PLS3: variants seen among roughly 807,000 people sequenced by gnomAD.
PLS3 encodes the protein plastin-3.
A neutral mutation model predicts 46.5 loss-of-function variants in PLS3; 11 were observed. The observed-to-expected ratio is 0.24, with a 90% CI of 0.15 to 0.39. The LOEUF (loss-of-function observed/expected upper bound fraction) is 0.39, where lower values mean the gene tolerates loss of function less well. PLS3 is among the 10% of genes least tolerant of loss of function. The pLI is 1.00. For synonymous variants in PLS3, 167 were observed against 162.2 expected, an observed-to-expected ratio of 1.03 and a Z score of -0.22; for missense variants, 308 against 461.8, an observed-to-expected ratio of 0.67 and a Z score of 3.05.
intron 1 of PLS3, among the ~76,000 whole-genome samples, chrX:115,584,242 G>A (rs1469548994): frequency 8.9e-6 from 1 of 112,217 alleles, no homozygotes; most frequent in Non-Finnish European, 1.9e-5. Flanking sequence ...AGGATGCTAT[G>A]TCTTCCACAT....
At chrX:115,630,752 A>G (rs1293921434) in intron 5 of PLS3, among the ~76,000 whole-genome samples, 1 of 86,179 alleles carries the variant, frequency 1.2e-5, no homozygotes, top group Non-Finnish European at 2.3e-5. Context: ...ATTTACACAT[A>G]TATATTTTAT....
rs182913350 is a variant in PLS3, at chrX:115,569,685, A to C, written c.-9+8425A>C. 5.4e-5 allele frequency among the ~76,000 whole-genome samples: 6 copies of C among 111,574 alleles called. No homozygotes were observed. The East Asian group carries it at 1.7e-3, about 32-fold the overall frequency. ...ACATTACATATCCCTCCTGAAACTT[A>C]ACCCATGCCATTTCACAGACCCTTC... On this transcript the variant is annotated intron_variant, in intron 1 of 15. Transcript: ENST00000355899.
intron 7 of PLS3, among the ~76,000 whole-genome samples, chrX:115,636,072 T>C (rs890047103): frequency 6.3e-5 from 7 of 111,501 alleles, no homozygotes; most frequent in Non-Finnish European, 1.3e-4. Context: ...TCTGTTAAAA[T>C]AGGATTGAGC....
chrX:115,561,485 C>A (rs2074134241), intron 1 of PLS3, among the ~76,000 whole-genome samples: 1 of 111,789 alleles, frequency 8.9e-6, no homozygotes, highest in Admixed American at 9.4e-5. Context: ...GGGAGTTTCC[C>A]TACTAGCATC....
chrX:115,591,222 A>T (rs1192585395), intron 1 of PLS3, among the ~76,000 whole-genome samples: 1 of 112,720 alleles, frequency 8.9e-6, no homozygotes, highest in Non-Finnish European at 1.9e-5. Flanking sequence ...GGGCATGTCT[A>T]TTCCTAGAAC....
intron 1 of PLS3, among the ~76,000 whole-genome samples, chrX:115,571,029 G>A (rs1185038586): frequency 9.2e-6 from 1 of 108,654 alleles, no homozygotes; most frequent in East Asian, 2.9e-4. Context: ...CGAGTAGCAG[G>A]GACTACAGGT....
chrX:115,647,798 A>G, intron 14 of PLS3, 95 bp from the exon 15 acceptor site: 1 of 1,149,827 alleles, frequency 8.7e-7, no homozygotes, highest in South Asian at 1.9e-5. Flanking sequence ...ATTCTTTACG[A>G]ATTCACTGGG....
At chrX:115,604,208 C>T (rs2074470338) in intron 1 of PLS3, among the ~76,000 whole-genome samples, 1 of 111,924 alleles carries the variant, frequency 8.9e-6, no homozygotes, top group Admixed American at 9.5e-5. Flanking sequence ...ACCTATTATA[C>T]TCTGTAGTCA....
At chrX:115,575,665 A>T (rs781831039) in intron 1 of PLS3, among the ~76,000 whole-genome samples, 1 of 111,026 alleles carries the variant, frequency 9.0e-6, no homozygotes, top group Admixed American at 9.6e-5. Context: ...GGATGGTCTC[A>T]ATCTCCTGAC....
At chrX:115,607,238 G>A (rs1189798599) in intron 1 of PLS3, among the ~76,000 whole-genome samples, 1 of 110,068 alleles carries the variant, frequency 9.1e-6, no homozygotes, top group Admixed American at 9.8e-5. Flanking sequence ...CTCCAGTCTG[G>A]GCTACAGTGT....
At chrX:115,607,450 A>G (rs1379488279) in intron 1 of PLS3, among the ~76,000 whole-genome samples, 1 of 110,962 alleles carries the variant, frequency 9.0e-6, no homozygotes, top group African/African-American at 3.3e-5. Context: ...AAGTTTATGA[A>G]TAGGCCAGCT....
chrX:115,650,262 A>G lies in PLS3; in HGVS notation c.*701A>G. On this transcript the variant is annotated 3_prime_UTR_variant, in exon 16 of 16. Coordinates refer to ENST00000355899, the MANE Select transcript of PLS3 (RefSeq NM_005032.7). ...TACATCGTAGCTAGAAGAAAAATGT[A>G]CCTTAAATTTGCATCTTCCCTCTCA... 8.9e-6 allele frequency: 1 copy of G among 111,870 alleles called. No individual in the cohort carries two copies. Among genetic ancestry groups the G allele is most frequent in the Admixed American group, 9.6e-5 (1 of 10,382 alleles). The allele number at this position is 111,870 out of a possible 1,213,427, so 9.2% of individuals were successfully genotyped here. A position where few individuals can be genotyped will look rare whatever the true frequency, so the allele number is the denominator to read the frequency against.
At chrX:115,615,975 G>A (rs1157965440) in intron 2 of PLS3, among the ~76,000 whole-genome samples, 2 of 112,026 alleles carry the variant, frequency 1.8e-5, no homozygotes, top group Non-Finnish European at 3.8e-5. Context: ...AATGGCAAGT[G>A]AGCCAAAAAG....
intron 4 of PLS3, 49 bp downstream of exon 4, chrX:115,629,376 G>T (rs782631362): frequency 3.3e-5 from 36 of 1,076,891 alleles, no homozygotes; most frequent in Non-Finnish European, 3.9e-5. Flanking sequence ...AAGTGGGATG[G>T]TTGCTGTAAT....
Position 115,622,305 on chromosome X carries a change from A to G in PLS3, c.133A>G (p.Asn45Asp). ...ACTTCATGAGCTCTTCAAGGAAGCT[A>G]ATATGCCATTACCAGGATATAAAGT... is the stretch of plus-strand genomic sequence containing the variant. Reference protein sequence around the residue: ...YELHELFKEANMPLPGYKVRE... With the variant: ...YELHELFKEADMPLPGYKVRE... The change falls in exon 3 of 16, where the codon AAT becomes GAT. Residue 45 changes from asparagine to aspartate, a missense_variant. Physicochemically the swap from Asn to Asp is conservative, Grantham distance 23 (BLOSUM62 1). Coordinates refer to ENST00000355899, the MANE Select transcript of PLS3 (RefSeq NM_005032.7). 8.5e-7 allele frequency: 1 copy of G among 1,181,792 alleles called. No individual in the cohort carries two copies. The highest frequency in any genetic ancestry group is 1.1e-6 in the Non-Finnish European group (1 of 869,787).
chrX:115,563,464 C>T (rs1183780111), intron 1 of PLS3, among the ~76,000 whole-genome samples: 1 of 110,197 alleles, frequency 9.1e-6, no homozygotes, highest in Non-Finnish European at 1.9e-5. Flanking sequence ...GAAAACGTGG[C>T]AATTTGGCTA....
intron 1 of PLS3, among the ~76,000 whole-genome samples, chrX:115,573,127 G>GA (rs371116519): frequency 0.032 from 3,332 of 103,892 alleles, 155 homozygotes; most frequent in African/African-American, 0.11. Flanking sequence ...AGAAAGAAAG[G>GA]AAAAAAAAAG....
chrX:115,594,668 T>A (rs12834770), intron 1 of PLS3, among the ~76,000 whole-genome samples: 4,597 of 97,810 alleles, frequency 0.047, 138 homozygotes, highest in African/African-American at 0.084. Flanking sequence ...TCTCTCTCTC[T>A]CACACACACA....
At chrX:115,644,172 C>T (rs2074927202) in intron 10 of PLS3, among the ~76,000 whole-genome samples, 1 of 111,061 alleles carries the variant, frequency 9.0e-6, no homozygotes, top group East Asian at 2.8e-4. Context: ...GTAACTGGAA[C>T]TAACCCCAAC....
Sources: gnomAD v4.1 joint callset for allele counts (sites outside exome capture counted in the v4.1 genomes callset) on GRCh38, gnomAD v4.1.1 for gene constraint, MANE v1.5 for transcripts, NCBI Gene and HGNC (gene_info 2026-07-23, HGNC 2026-07-21) for gene names.